PRIM2: variants seen among roughly 807,000 people sequenced by gnomAD.
The protein encoded by PRIM2 is DNA primase large subunit.
A neutral mutation model predicts 67.3 loss-of-function variants in PRIM2; 39 were observed. That is an observed-to-expected ratio of 0.58 (90% confidence interval 0.45 to 0.76). The LOEUF (loss-of-function observed/expected upper bound fraction) is 0.76. PRIM2 is among the 30% of genes least tolerant of loss of function. The pLI, the probability that PRIM2 is intolerant of heterozygous loss-of-function variation, is 0.00. For missense variants in PRIM2, 398 were observed against 598.7 expected (o/e 0.66, Z 3.50); for synonymous variants, 143 against 198.7 (o/e 0.72, Z 2.36).
At chr6:57,433,304 A>G (rs1415068763) in intron 7 of PRIM2, among the ~76,000 whole-genome samples, 2 of 152,018 alleles carry the variant, frequency 1.3e-5, no homozygotes, top group Non-Finnish European at 2.9e-5. Context: ...TTAGTTACAT[A>G]TGTATACATG....
chr6:57,489,635 T>A (rs35125506), intron 7 of PRIM2, among the ~76,000 whole-genome samples: 1 of 151,724 alleles, frequency 6.6e-6, no homozygotes, highest in African/African-American at 2.4e-5. Flanking sequence ...TTTTCTAATA[T>A]TTTACCAGTT....
chr6:57,312,521 T>A (rs529219786), upstream of PRIM2, among the ~76,000 whole-genome samples: 103 of 151,878 alleles, frequency 6.8e-4, 2 homozygotes, highest in African/African-American at 2.4e-3. Context: ...GAACAGAAAC[T>A]CCCTCCCCAT....
At chr6:57,230,464 C>T in the PRIM2 span, among the ~76,000 whole-genome samples, 3 of 152,080 alleles carry the variant, frequency 2.0e-5, no homozygotes, top group Non-Finnish European at 4.4e-5. Context: ...GTTGTTGTTA[C>T]AGTTTATCTT....
In PRIM2 at chr6:57,436,098, G is replaced by A. The variant is rs116764633; in HGVS notation, c.693+53930G>A. Reference sequence around the variant, plus strand: ...CATCTCCTCTTTTTGTTCTGTTACCGTCTTCTCTTTTCCTGTTTATCTCTT... The same window carrying A: ...CATCTCCTCTTTTTGTTCTGTTACCATCTTCTCTTTTCCTGTTTATCTCTT... On this transcript the variant is annotated intron_variant, in intron 7 of 13. Transcript: ENST00000615550. Among the ~76,000 whole-genome samples, 1,221 of 152,054 alleles carry A rather than the reference G, an allele frequency of 8.0e-3. 9 individuals are homozygous for A. Among genetic ancestry groups the A allele is most frequent in the African/African-American group, 0.028 (1,148 of 41,472 alleles).
In PRIM2 at chr6:57,504,871, T is replaced by C. The variant is rs1455405867; in HGVS notation, c.694-2516T>C. 1.1e-4 allele frequency among the ~76,000 whole-genome samples: 17 copies of C among 152,326 alleles called. No homozygotes were observed. In the East Asian group the frequency reaches 3.1e-3, roughly 28 times the overall value. The stretch of plus-strand genomic sequence containing the variant: ...AGTTTTGATTTATACTTAGTTTTGC[T>C]CAAAGCAGGAATTTGAAAAGCTTTA... On this transcript the variant is annotated intron_variant, in intron 7 of 13. Coordinates refer to ENST00000615550, the MANE Select transcript of PRIM2 (RefSeq NM_000947.5).
intron 7 of PRIM2, among the ~76,000 whole-genome samples, chr6:57,389,085 A>G (rs1379621187): frequency 1.3e-5 from 2 of 152,160 alleles, no homozygotes; most frequent in African/African-American, 4.8e-5. Flanking sequence ...CTCCTCACAC[A>G]GTGTGACTAT....
At chr6:57,249,938 A>AC in the PRIM2 span, among the ~76,000 whole-genome samples, 1 of 152,156 alleles carries the variant, frequency 6.6e-6, no homozygotes, top group Non-Finnish European at 1.5e-5. Flanking sequence ...GCATTACTAC[A>AC]CCCTGCCTGA....
At chr6:57,373,373 A>C (rs1046336082) in intron 5 of PRIM2, among the ~76,000 whole-genome samples, 1 of 151,768 alleles carries the variant, frequency 6.6e-6, no homozygotes, top group African/African-American at 2.4e-5. Flanking sequence ...AGATGTATAG[A>C]TTGCAAAAAT....
At chr6:57,551,085 T>A (rs1275222111) in intron 10 of PRIM2, among the ~76,000 whole-genome samples, 14 of 152,338 alleles carry the variant, frequency 9.2e-5, no homozygotes, top group African/African-American at 3.4e-4. Context: ...ATCTTTCCAG[T>A]TTGTTTACTT....
the PRIM2 span, among the ~76,000 whole-genome samples, chr6:57,248,104 G>A: frequency 7.3e-4 from 111 of 152,274 alleles, no homozygotes; most frequent in African/African-American, 1.9e-3. Context: ...GTCATGTGGC[G>A]TAACCAAATG....
chr6:57,496,442 C>G (rs1473128485), intron 7 of PRIM2, among the ~76,000 whole-genome samples: 2 of 152,080 alleles, frequency 1.3e-5, no homozygotes, highest in Non-Finnish European at 2.9e-5. Flanking sequence ...CAGTCTGGGC[C>G]CTCTTTTAAA....
intron 10 of PRIM2, among the ~76,000 whole-genome samples, chr6:57,561,845 A>G (rs1581991342): frequency 1.3e-5 from 2 of 152,206 alleles, no homozygotes; most frequent in Non-Finnish European, 2.9e-5. Flanking sequence ...CAAAGAGGCT[A>G]GCTGTCAGCC....
chr6:57,351,313 G>A (rs1768850742), intron 5 of PRIM2, among the ~76,000 whole-genome samples: 1 of 151,258 alleles, frequency 6.6e-6, no homozygotes, highest in Admixed American at 6.6e-5. Flanking sequence ...AGATTTTGGA[G>A]CACTTTGGAT....
intron 7 of PRIM2, among the ~76,000 whole-genome samples, chr6:57,458,493 G>T (rs1466773551): frequency 1.3e-5 from 2 of 152,274 alleles, no homozygotes; most frequent in East Asian, 3.9e-4. Context: ...AGACCAGCCT[G>T]GCCAATGTGG....
the PRIM2 span, among the ~76,000 whole-genome samples, chr6:57,290,302 T>G: frequency 1.3e-5 from 2 of 152,102 alleles, no homozygotes; most frequent in East Asian, 3.8e-4. Context: ...CAAGAAGAGC[T>G]AACTATCCTA....
At position 57,497,983 on chromosome 6, in the gene PRIM2, T is replaced by C. The variant is rs1169818190; in HGVS notation, c.694-9404T>C. On this transcript the variant is annotated intron_variant, in intron 7 of 13. Transcript: ENST00000615550. ...GGGATCTGTTGCTATTATAAGAAAATGTAGTTCAAAAGACACAGGATTTTC... is the reference window on the plus strand; with the variant it reads ...GGGATCTGTTGCTATTATAAGAAAACGTAGTTCAAAAGACACAGGATTTTC... Among the ~76,000 whole-genome samples, 5 of 152,222 alleles carry C rather than the reference T, an allele frequency of 3.3e-5. No individual in the cohort carries two copies. The East Asian group carries it at 9.6e-4, about 29-fold the overall frequency.
intron 12 of PRIM2, among the ~76,000 whole-genome samples, chr6:57,621,193 T>C (rs1280572426): frequency 3.2e-4 from 49 of 152,206 alleles, no homozygotes; most frequent in Non-Finnish European, 6.0e-4. Context: ...AAGTCCAAGG[T>C]TGAGGAGCCT....
chr6:57,472,516 A>G (rs1346036961), intron 7 of PRIM2, among the ~76,000 whole-genome samples: 6 of 152,124 alleles, frequency 3.9e-5, no homozygotes, highest in Admixed American at 3.3e-4. Context: ...TTCCTGTGTA[A>G]GTGAAGGTCT....
the PRIM2 span, among the ~76,000 whole-genome samples, chr6:57,253,363 A>G: frequency 6.6e-6 from 1 of 152,202 alleles, no homozygotes; most frequent in Non-Finnish European, 1.5e-5. Context: ...ACTATAAACT[A>G]TGGTCTATAA....
Sources: gnomAD v4.1 joint callset for allele counts (sites outside exome capture counted in the v4.1 genomes callset) on GRCh38, gnomAD v4.1.1 for gene constraint, MANE v1.5 for transcripts, NCBI Gene and HGNC (gene_info 2026-07-23, HGNC 2026-07-21) for gene names.